Variants in RTN1 observed in about 807,000 individuals in gnomAD.
RTN1 encodes reticulon 1.
RTN1 carries 25 observed loss-of-function variants against 65.5 expected under a neutral mutation model. The ratio of observed to expected loss-of-function variants is 0.38; its 90% confidence interval spans 0.28 to 0.53. The LOEUF (loss-of-function observed/expected upper bound fraction) is 0.53, where lower values mean the gene tolerates loss of function less well. Among genes scored for constraint, RTN1 ranks in the 20% least tolerant of loss-of-function variants. The probability of loss-of-function intolerance (pLI) is 0.79; values close to 1 mark genes in which losing one functional copy is unlikely to be tolerated. For synonymous variants in RTN1, 471 were observed against 447.6 expected (o/e 1.05, Z -0.66); for missense variants, 983 against 1,025.4 (o/e 0.96, Z 0.57).
chr14:59,673,249 GC>G (rs1883549331), intron 3 of RTN1, among the ~76,000 whole-genome samples: 1 of 152,164 alleles, frequency 6.6e-6, no homozygotes, highest in African/African-American at 2.4e-5. Context: ...AAATGTTGTG[GC>G]TTTTGTGTTC....
intron 1 of RTN1, among the ~76,000 whole-genome samples, chr14:59,788,837 G>C (rs1886297591): frequency 6.6e-6 from 1 of 151,980 alleles, no homozygotes; most frequent in Non-Finnish European, 1.5e-5. Flanking sequence ...TTTTCCAGAT[G>C]AACTTGTCAA....
At position 59,870,617 on chromosome 14, in the gene RTN1, C is replaced by G; in HGVS notation, c.14G>C (p.Gly5Ala). Residue 5 changes from glycine to alanine, a missense_variant, in exon 1 of 9, where the codon GGG (glycine) becomes GCG (alanine). By Grantham distance (60) the Gly-to-Ala change is moderately conservative. This residue lies in a region of RTN1 where 818 missense variants were observed against 801.8 expected (regional missense o/e 1.02). Transcript: ENST00000267484. This position sits in a 1 kb window ranked among gnomAD's most constrained non-coding sequence, Gnocchi z 5.1. ...CGGCAGCAGCTCGTCCTGCGGATCC[C>G]CCGGCGCGGCCATGGCTGGCGGTCC... is the stretch of plus-strand genomic sequence containing the variant. Reference protein sequence around the residue: MAAPGDPQDELLPLA... With the variant: MAAPADPQDELLPLA... The G allele has an allele frequency of 7.0e-7, 1 of 1,420,762 alleles. No homozygotes were observed. Among genetic ancestry groups the G allele is most frequent in the South Asian group, 1.5e-5 (1 of 68,426 alleles). 88.0% of individuals were successfully genotyped at this position (1,420,762 alleles called of 1,614,324 possible). A position where few individuals can be genotyped will look rare whatever the true frequency, so the allele number is the denominator to read the frequency against.
rs114981797 is a variant in RTN1, at chr14:59,673,605, A to C, written c.1765+53314T>G. On this transcript the variant is annotated intron_variant, in intron 3 of 8. Coordinates refer to ENST00000267484, the MANE Select transcript of RTN1 (RefSeq NM_021136.3). ...CTGAGTCTGGGGTTTTTATGGGCTT[A>C]GAATGGAAGCATGCATGCTGATTGG... Among the ~76,000 whole-genome samples the C allele has an allele frequency of 6.2e-3, 939 of 152,334 alleles. 6 individuals are homozygous for C. The highest frequency in any genetic ancestry group is 0.021 in the African/African-American group (890 of 41,564).
intron 1 of RTN1, among the ~76,000 whole-genome samples, chr14:59,784,488 T>G (rs1886217169): frequency 6.6e-6 from 1 of 152,114 alleles, no homozygotes; most frequent in African/African-American, 2.4e-5. Flanking sequence ...CAACTTTAAT[T>G]ATTGCATCTA....
chr14:59,759,564 G>C (rs886862426), intron 1 of RTN1, among the ~76,000 whole-genome samples: 1 of 151,968 alleles, frequency 6.6e-6, no homozygotes, highest in Non-Finnish European at 1.5e-5. Flanking sequence ...TTGCTTCCAG[G>C]CTTTAGTCCC....
chr14:59,825,141 A>C lies in RTN1; in HGVS notation c.241+45249T>G, dbSNP rs552040551. Among the ~76,000 whole-genome samples, 54 of 152,364 alleles carry C rather than the reference A, an allele frequency of 3.5e-4. No homozygotes were observed. Among genetic ancestry groups the C allele is most frequent in the Non-Finnish European group, 7.6e-4 (52 of 68,030 alleles). On this transcript the variant is annotated intron_variant, in intron 1 of 8. Coordinates refer to ENST00000267484, the MANE Select transcript of RTN1 (RefSeq NM_021136.3). The surrounding 1 kb of genome is among the most constrained non-coding windows in gnomAD (Gnocchi z 4.2). ...CTTGTTCTAGAGAGCTGTCCTGTGC[A>C]TTGTAGAATCTTTACCAACATCCCT...
chr14:59,630,572 T>C, intron 3 of RTN1: 1 of 1,603,820 alleles, frequency 6.2e-7, no homozygotes, highest in Non-Finnish European at 8.5e-7. Context: ...CAAGCGTTGG[T>C]GCCCGGCTGC....
intron 2 of RTN1, among the ~76,000 whole-genome samples, chr14:59,744,562 A>C (rs566943698): frequency 4.6e-5 from 7 of 152,228 alleles, no homozygotes; most frequent in Non-Finnish European, 8.8e-5. Context: ...AGCCTAATGA[A>C]GTCTAAACTT....
At chr14:59,681,505 C>T (rs911178240) in intron 3 of RTN1, among the ~76,000 whole-genome samples, 1 of 152,150 alleles carries the variant, frequency 6.6e-6, no homozygotes, top group African/African-American at 2.4e-5. Flanking sequence ...AAACCACACA[C>T]TGCAGTAGGC....
chr14:59,646,789 G>A (rs974038052), intron 3 of RTN1, among the ~76,000 whole-genome samples: 11 of 151,812 alleles, frequency 7.2e-5, no homozygotes, highest in Admixed American at 1.3e-4. Flanking sequence ...GATCTTGAAC[G>A]AAGCACTAAA....
intron 3 of RTN1, among the ~76,000 whole-genome samples, chr14:59,690,346 G>A (rs1594680324): frequency 6.6e-6 from 1 of 151,642 alleles, no homozygotes; most frequent in Admixed American, 6.6e-5. Flanking sequence ...GAATAAAAAA[G>A]GGCAAAAATG....
intron 1 of RTN1, among the ~76,000 whole-genome samples, chr14:59,749,098 A>C (rs1024504093): frequency 7.3e-5 from 6 of 82,520 alleles, no homozygotes; most frequent in East Asian, 3.0e-4. Flanking sequence ...ATCTATATAT[A>C]TATCTATATA....
intron 1 of RTN1, among the ~76,000 whole-genome samples, chr14:59,863,982 T>C (rs912397087): frequency 1.4e-4 from 21 of 152,202 alleles, no homozygotes; most frequent in African/African-American, 4.1e-4. Flanking sequence ...TCTCAGATTA[T>C]TGCAATGGCC....
chr14:59,616,147 T>C (rs1882094789), intron 3 of RTN1, among the ~76,000 whole-genome samples: 1 of 152,154 alleles, frequency 6.6e-6, no homozygotes, highest in Non-Finnish European at 1.5e-5. Context: ...TGAAATGGTG[T>C]TTGGCTTTCT....
rs566460577 is a variant in RTN1, at chr14:59,634,210, A to T, written c.1766-26718T>A. On this transcript the variant is annotated intron_variant, in intron 3 of 8. Coordinates refer to ENST00000267484, the MANE Select transcript of RTN1 (RefSeq NM_021136.3). ...AAAGGAGCAGGAGAATGCCATTAAG[A>T]TATATGGGAGAAGAACATTCACAGA... Among the ~76,000 whole-genome samples, 4 of 152,330 alleles carry T rather than the reference A, an allele frequency of 2.6e-5. No individual in the cohort carries two copies. In the South Asian group the frequency reaches 8.3e-4, roughly 32 times the overall value.
intron 6 of RTN1, 147 bp from the exon 7 acceptor site, chr14:59,603,405 A>G: frequency 1.6e-6 from 1 of 615,296 alleles, no homozygotes; most frequent in Admixed American, 3.3e-5. Flanking sequence ...TATTTTGAGA[A>G]GCAATATCCA....
chr14:59,791,653 A>G (rs938623658), intron 1 of RTN1, among the ~76,000 whole-genome samples: 11 of 152,152 alleles, frequency 7.2e-5, no homozygotes, highest in African/African-American at 2.7e-4. Context: ...ACATCCTACT[A>G]GGGACTAACA....
intron 2 of RTN1, among the ~76,000 whole-genome samples, chr14:59,732,292 C>T (rs1594707215): frequency 6.6e-6 from 1 of 152,174 alleles, no homozygotes; most frequent in South Asian, 2.1e-4. Flanking sequence ...AAAGTTAATC[C>T]TGAAGAAGTA....
chr14:59,869,983 C>T (rs1431126386), intron 1 of RTN1, among the ~76,000 whole-genome samples: 1 of 152,138 alleles, frequency 6.6e-6, no homozygotes, highest in Non-Finnish European at 1.5e-5. Context: ...CTCCTGTAGC[C>T]GGCGCGCACA....
Sources: gnomAD v4.1 joint callset for allele counts (sites outside exome capture counted in the v4.1 genomes callset) on GRCh38, gnomAD v4.1.1 for gene constraint, gnomAD v4.1.1 regional missense constraint, Gnocchi (gnomAD v3.1) non-coding constraint, MANE v1.5 for transcripts, NCBI Gene and HGNC (gene_info 2026-07-23, HGNC 2026-07-21) for gene names.